CACNG2: variants seen among roughly 807,000 people sequenced by gnomAD.
The protein encoded by CACNG2 is voltage-dependent calcium channel gamma-2 subunit.
In CACNG2, 3 loss-of-function variants were observed where a neutral mutation model predicts 25.9. That is an observed-to-expected ratio of 0.12 (90% confidence interval 0.05 to 0.30). CACNG2 has a LOEUF of 0.30. Among genes scored for constraint, CACNG2 ranks in the 10% least tolerant of loss-of-function variants. CACNG2 has a pLI of 1.00. For missense variants in CACNG2, 341 were observed against 432.5 expected, an observed-to-expected ratio of 0.79 and a Z score of 1.88; for synonymous variants, 167 against 173.3, an observed-to-expected ratio of 0.96 and a Z score of 0.29.
chr22:36,576,025 G>C (rs1029144482), intron 2 of CACNG2, among the ~76,000 whole-genome samples: 1 of 152,214 alleles, frequency 6.6e-6, no homozygotes, highest in Non-Finnish European at 1.5e-5. Flanking sequence ...ACGCTGTGCT[G>C]GCTGGTGTAG....
At chr22:36,569,430 T>C (rs1212331594) in intron 2 of CACNG2, among the ~76,000 whole-genome samples, 1 of 152,204 alleles carries the variant, frequency 6.6e-6, no homozygotes, top group Non-Finnish European at 1.5e-5. Context: ...CCTGGAGAAC[T>C]GGGTTTGGGT....
chr22:36,589,001 TTCC>T (rs774825981), intron 1 of CACNG2, among the ~76,000 whole-genome samples: 357 of 131,156 alleles, frequency 2.7e-3, no homozygotes, highest in Middle Eastern at 3.9e-3. Context: ...TTTTTTTTTT[TTCC>T]CCCTGAAATG....
At position 36,702,381 on chromosome 22, in the gene CACNG2, T is replaced by C; in HGVS notation, c.196A>G (p.Thr66Ala). Residue 66 changes from threonine to alanine, a missense_variant, in exon 1 of 4, where the codon ACC becomes GCC. By Grantham distance (58) the Thr-to-Ala change is moderately conservative. This residue lies in a region of CACNG2 where 169 missense variants were observed against 254.4 expected (regional missense o/e 0.66). Transcript: ENST00000300105. ...EVMTHSGLWR[T>A]CCLEGNFKGL... ...AGTCAAGTACCTTCTAGGCAGCAGG[T>C]TCTCCATAATCCGGAATGGGTCATA... is the stretch of plus-strand genomic sequence containing the variant. 1 of 1,613,306 alleles carries C rather than the reference T, an allele frequency of 6.2e-7. No homozygotes were observed. The highest frequency in any genetic ancestry group is 8.5e-7 in the Non-Finnish European group (1 of 1,179,584).
intron 1 of CACNG2, among the ~76,000 whole-genome samples, chr22:36,654,517 C>A (rs1362965263): frequency 6.6e-6 from 1 of 152,032 alleles, no homozygotes; most frequent in Non-Finnish European, 1.5e-5. Flanking sequence ...CAGGTGTGAC[C>A]CACTGTGCAC....
At chr22:36,579,042 C>T (rs1935370674) in intron 2 of CACNG2, among the ~76,000 whole-genome samples, 1 of 152,210 alleles carries the variant, frequency 6.6e-6, no homozygotes, top group African/African-American at 2.4e-5. Context: ...TTTGCCCCAT[C>T]TGCCAGCCAG....
At chr22:36,628,989 A>G (rs1476027403) in intron 1 of CACNG2, among the ~76,000 whole-genome samples, 1 of 90,562 alleles carries the variant, frequency 1.1e-5, no homozygotes, top group Non-Finnish European at 1.9e-5. Context: ...TGGCATAAAT[A>G]AAAAAAAACT....
At chr22:36,698,936 C>T (rs1329426676) in intron 1 of CACNG2, among the ~76,000 whole-genome samples, 1 of 152,020 alleles carries the variant, frequency 6.6e-6, no homozygotes, top group Admixed American at 6.6e-5. Context: ...TCTTGCTGTC[C>T]CTGGAGACGA....
intron 1 of CACNG2, among the ~76,000 whole-genome samples, chr22:36,701,173 G>T (rs1238932417): frequency 6.6e-6 from 1 of 152,086 alleles, no homozygotes; most frequent in African/African-American, 2.4e-5. Flanking sequence ...CCCAGTATTG[G>T]TTCATAACAG....
chr22:36,594,124 G>A (rs892914200), intron 1 of CACNG2, among the ~76,000 whole-genome samples: 1 of 152,126 alleles, frequency 6.6e-6, no homozygotes, highest in Non-Finnish European at 1.5e-5. Flanking sequence ...TCCAAAATCT[G>A]GAACCTCTCT....
chr22:36,634,522 G>C (rs905796942), intron 1 of CACNG2, among the ~76,000 whole-genome samples: 1 of 152,192 alleles, frequency 6.6e-6, no homozygotes, highest in Non-Finnish European at 1.5e-5. Context: ...TGATCTGGGG[G>C]TTTATTTATT....
At chr22:36,630,086 A>T (rs1936245661) in intron 1 of CACNG2, among the ~76,000 whole-genome samples, 1 of 152,248 alleles carries the variant, frequency 6.6e-6, no homozygotes, top group Admixed American at 6.5e-5. Context: ...GGACCAGAAG[A>T]AGGCAGTGCG....
chr22:36,636,242 C>T (rs9622437), intron 1 of CACNG2, among the ~76,000 whole-genome samples: 5 of 152,172 alleles, frequency 3.3e-5, no homozygotes, highest in African/African-American at 7.2e-5. Context: ...AATCCAGCCC[C>T]GGGATGTTGC....
chr22:36,634,097 C>T (rs1040597109), intron 1 of CACNG2, among the ~76,000 whole-genome samples: 3 of 152,194 alleles, frequency 2.0e-5, no homozygotes, highest in Non-Finnish European at 2.9e-5. Flanking sequence ...GGCTGAGTGA[C>T]GTCAGGTAAG....
At chr22:36,637,699 T>C (rs558516720) in intron 1 of CACNG2, among the ~76,000 whole-genome samples, 21 of 152,106 alleles carry the variant, frequency 1.4e-4, no homozygotes, top group Admixed American at 6.5e-4. Flanking sequence ...CACACAGCCA[T>C]GGAAGATAGG....
intron 1 of CACNG2, among the ~76,000 whole-genome samples, chr22:36,649,337 G>A (rs1936573584): frequency 1.3e-5 from 2 of 152,050 alleles, no homozygotes; most frequent in Admixed American, 1.3e-4. Flanking sequence ...TGTCACCCGG[G>A]CTGGAGTACG....
chr22:36,615,443 AC>A (rs1936007911), intron 1 of CACNG2, among the ~76,000 whole-genome samples: 1 of 152,046 alleles, frequency 6.6e-6, no homozygotes, highest in Admixed American at 6.6e-5. Context: ...TTTCCATACA[AC>A]AAGCAGACTT....
intron 1 of CACNG2, among the ~76,000 whole-genome samples, chr22:36,613,612 TC>T (rs1350610608): frequency 1.3e-5 from 2 of 152,178 alleles, no homozygotes; most frequent in Non-Finnish European, 2.9e-5. Context: ...GGCTGTCTTC[TC>T]TTTTCATTCT....
chr22:36,619,670 G>A (rs949708224), intron 1 of CACNG2, among the ~76,000 whole-genome samples: 3 of 152,180 alleles, frequency 2.0e-5, no homozygotes, highest in East Asian at 3.8e-4. Flanking sequence ...TAATCAAGGC[G>A]GTAAAGTTCC....
At chr22:36,676,758 G>T (rs1937025260) in intron 1 of CACNG2, among the ~76,000 whole-genome samples, 1 of 152,210 alleles carries the variant, frequency 6.6e-6, no homozygotes, top group Admixed American at 6.5e-5. Context: ...AGCAGAAGAG[G>T]CAGACAGCCT....
Sources: gnomAD v4.1 joint callset for allele counts (sites outside exome capture counted in the v4.1 genomes callset) on GRCh38, gnomAD v4.1.1 for gene constraint, gnomAD v4.1.1 regional missense constraint, MANE v1.5 for transcripts, NCBI Gene and HGNC (gene_info 2026-07-23, HGNC 2026-07-21) for gene names.